Variants in PPA2 observed in about 807,000 individuals in gnomAD.
PPA2 encodes inorganic pyrophosphatase 2, mitochondrial.
Under a neutral mutation model 49.5 loss-of-function variants are expected in PPA2, and 48 were observed. The observed-to-expected ratio is 0.97, with a 90% CI of 0.77 to 1.23. The LOEUF (loss-of-function observed/expected upper bound fraction) is 1.23, where lower values mean the gene tolerates loss of function less well. Ranked by LOEUF, PPA2 falls within the 50% of genes most tolerant of loss-of-function variation. The probability of loss-of-function intolerance (pLI) is 0.00; values close to 1 mark genes in which losing one functional copy is unlikely to be tolerated. For synonymous variants in PPA2, 131 were observed against 139.9 expected (o/e 0.94, Z 0.45); for missense variants, 429 against 410.1 (o/e 1.05, Z -0.40).
chr4:105,409,647 C>T (rs1722658856), intron 7 of PPA2, among the ~76,000 whole-genome samples: 1 of 152,232 alleles, frequency 6.6e-6, no homozygotes, highest in Non-Finnish European at 1.5e-5. Context: ...TAGGGGCCGA[C>T]AGACACCTCA....
intron 10 of PPA2, among the ~76,000 whole-genome samples, chr4:105,375,543 T>C (rs1733215032): frequency 6.6e-6 from 1 of 152,116 alleles, no homozygotes; most frequent in Non-Finnish European, 1.5e-5. Context: ...GCAGTCCTCT[T>C]TGATGGAGAT....
intron 7 of PPA2, chr4:105,405,192 T>C (rs1722404212): frequency 1.4e-6 from 1 of 700,284 alleles, no homozygotes; most frequent in Non-Finnish European, 1.8e-6. Context: ...ATTTGTATAA[T>C]GCTCCTGAAA....
At position 105,413,027 on chromosome 4, in the gene PPA2, T is replaced by A. The variant is rs13141562; in HGVS notation, c.655+11169A>T. ...TAAATCATGCTACTATAAAGACACATGCACACGTATGTTTATTGGTACTAT... is the reference window on the plus strand; with the variant it reads ...TAAATCATGCTACTATAAAGACACAAGCACACGTATGTTTATTGGTACTAT... On this transcript the variant is annotated intron_variant, in intron 7 of 11. Coordinates refer to ENST00000341695, the MANE Select transcript of PPA2 (RefSeq NM_176869.3). Among the ~76,000 whole-genome samples, 1,412 of 152,294 alleles carry A rather than the reference T, an allele frequency of 9.3e-3. 14 individuals are homozygous for A. Among genetic ancestry groups the A allele is most frequent in the Middle Eastern group, 0.02 (6 of 294 alleles).
chr4:105,437,656 A>C (rs1031674674), intron 6 of PPA2, among the ~76,000 whole-genome samples: 3 of 152,232 alleles, frequency 2.0e-5, no homozygotes, highest in Non-Finnish European at 4.4e-5. Flanking sequence ...CTCTGCTACA[A>C]GTCCTCAACT....
At chr4:105,393,081 T>G (rs530723919) in intron 9 of PPA2, among the ~76,000 whole-genome samples, 71 of 152,306 alleles carry the variant, frequency 4.7e-4, no homozygotes, top group African/African-American at 1.6e-3. Flanking sequence ...CAGTGACAAG[T>G]GGCCTTCAGT....
intron 7 of PPA2, among the ~76,000 whole-genome samples, chr4:105,401,184 T>A (rs916925385): frequency 2.6e-5 from 4 of 152,236 alleles, no homozygotes; most frequent in Admixed American, 2.6e-4. Flanking sequence ...TTAAACTTGT[T>A]CCTCACGAAA....
intron 2 of PPA2, chr4:105,456,098 G>A (rs749878202): frequency 8.4e-5 from 32 of 381,278 alleles, no homozygotes; most frequent in South Asian, 3.9e-4. Context: ...CCTGACAACT[G>A]TCAAGTGATT....
intron 1 of PPA2, among the ~76,000 whole-genome samples, chr4:105,463,105 TGAA>T (rs1380068652): frequency 6.6e-6 from 1 of 152,322 alleles, no homozygotes; most frequent in South Asian, 2.1e-4. Context: ...TGGAGGGCTC[TGAA>T]GAAGACAGGA....
intron 10 of PPA2, among the ~76,000 whole-genome samples, chr4:105,371,672 C>T (rs1733032591): frequency 6.6e-6 from 1 of 152,122 alleles, no homozygotes; most frequent in Admixed American, 6.5e-5. Flanking sequence ...ATACCTGCCT[C>T]TAGCATTTAA....
chr4:105,459,295 T>C (rs887179144), intron 1 of PPA2, among the ~76,000 whole-genome samples: 2 of 152,218 alleles, frequency 1.3e-5, no homozygotes, highest in African/African-American at 4.8e-5. Flanking sequence ...CTCTTTCATA[T>C]ATTACATCAG....
intron 5 of PPA2, among the ~76,000 whole-genome samples, chr4:105,442,707 G>C (rs1417054491): frequency 6.6e-6 from 1 of 152,114 alleles, no homozygotes; most frequent in Non-Finnish European, 1.5e-5. Context: ...TCAGGCTAAC[G>C]GTCTAGACAG....
intron 7 of PPA2, chr4:105,423,056 T>C (rs1723323073): frequency 6.6e-6 from 1 of 152,166 alleles, no homozygotes; most frequent in African/African-American, 2.4e-5. Context: ...ACTGTTCTCA[T>C]ATATATGTAT....
intron 5 of PPA2, among the ~76,000 whole-genome samples, chr4:105,438,434 C>T (rs1046994001): frequency 4.6e-5 from 7 of 152,156 alleles, no homozygotes; most frequent in Non-Finnish European, 8.8e-5. Flanking sequence ...TCCTTTGACC[C>T]GGTAACAGCA....
At chr4:105,410,371 G>A (rs1167897761) in intron 7 of PPA2, among the ~76,000 whole-genome samples, 1 of 152,170 alleles carries the variant, frequency 6.6e-6, no homozygotes, top group Non-Finnish European at 1.5e-5. Flanking sequence ...AGAAAAAAGG[G>A]TGAAAAGAAA....
intron 10 of PPA2, among the ~76,000 whole-genome samples, chr4:105,374,385 A>G (rs1297891104): frequency 6.6e-6 from 1 of 152,178 alleles, no homozygotes; most frequent in African/African-American, 2.4e-5. Flanking sequence ...ACATAGTGAG[A>G]CTGTGTCTTT....
Position 105,399,125 on chromosome 4 carries a change from T to A in PPA2, c.695A>T (p.Glu232Val). 1 of 1,609,932 alleles carries A rather than the reference T, an allele frequency of 6.2e-7. No individual in the cohort carries two copies. Among genetic ancestry groups the A allele is most frequent in the Non-Finnish European group, 8.5e-7 (1 of 1,178,914 alleles). Residue 232 changes from glutamate to valine, a missense_variant, in exon 8 of 12, where the codon GAA (glutamate) becomes GTA (valine). Transcript: ENST00000341695. ...DVKKFKPGYLEATLNWFRLYK... is the reference protein window; with the variant it reads ...DVKKFKPGYLVATLNWFRLYK... ...TAATCTAAACCAATTAAGAGTAGCT[T>A]CCAGGTAACCCGGTTTGAACTTCTT...
At chr4:105,445,609 A>G (rs1437749872) in intron 5 of PPA2, among the ~76,000 whole-genome samples, 3 of 152,082 alleles carry the variant, frequency 2.0e-5, no homozygotes, top group African/African-American at 7.2e-5. Context: ...CATGCAAAAT[A>G]TTAAAATAAA....
chr4:105,376,224 C>G (rs1733243790), intron 10 of PPA2, among the ~76,000 whole-genome samples: 1 of 152,194 alleles, frequency 6.6e-6, no homozygotes, highest in African/African-American at 2.4e-5. Flanking sequence ...TTAACCGTCA[C>G]TGGGATTCAC....
intron 9 of PPA2, among the ~76,000 whole-genome samples, chr4:105,395,852 G>A (rs533554385): frequency 6.6e-6 from 1 of 152,232 alleles, no homozygotes; most frequent in South Asian, 2.1e-4. Context: ...AAATGTTTAT[G>A]TTACTGTTAC....
Sources: allele counts gnomAD v4.1 joint callset (sites outside exome capture counted in the v4.1 genomes callset), GRCh38; gene constraint gnomAD v4.1.1; transcripts MANE v1.5; gene names NCBI Gene and HGNC (gene_info 2026-07-23, HGNC 2026-07-21).